The following CHODL variants were observed in gnomAD, a reference collection of about 807,000 sequenced individuals.
CHODL encodes transmembrane protein MT75.
CHODL carries 29 observed loss-of-function variants against 34.5 expected under a neutral mutation model. The observed-to-expected ratio is 0.84, with a 90% CI of 0.63 to 1.15. CHODL has a LOEUF of 1.15. Ranked by LOEUF, CHODL falls within the 50% of genes most tolerant of loss-of-function variation. The pLI is 0.00. For missense variants in CHODL, 332 were observed against 332.5 expected, an observed-to-expected ratio of 1.00 and a Z score of 0.01; for synonymous variants, 125 against 116.1, an observed-to-expected ratio of 1.08 and a Z score of -0.49.
chr21:18,251,685 A>C (rs1414761235), intron 1 of CHODL, among the ~76,000 whole-genome samples: 1 of 136,524 alleles, frequency 7.3e-6, no homozygotes, highest in Admixed American at 7.6e-5. Flanking sequence ...TTAATATATA[A>C]AATAAATATT....
At chr21:18,265,570 A>T (rs2074449054) in intron 5 of CHODL, among the ~76,000 whole-genome samples, 1 of 152,122 alleles carries the variant, frequency 6.6e-6, no homozygotes, top group South Asian at 2.1e-4. Context: ...AATTGGGTAC[A>T]GTGTATACTA....
intron 2 of CHODL, among the ~76,000 whole-genome samples, chr21:18,210,728 T>C (rs970314898): frequency 3.9e-5 from 6 of 152,170 alleles, no homozygotes; most frequent in Admixed American, 2.0e-4. Context: ...TCTTACATGG[T>C]CTACTGCAAA....
rs1255186142 is a variant in CHODL at position 18,100,186 on chromosome 21, T to TA, written c.-45+72222dup. Among the ~76,000 whole-genome samples the TA allele has an allele frequency of 6.6e-5, 10 of 152,236 alleles. No homozygotes were observed. In the South Asian group the frequency reaches 1.2e-3, roughly 19 times the overall value. ...GTTTAAATAAAGTGAAGGTTGTTTT[T>TA]AAAAAAATATCTAACATGTTGAATC... On this transcript the variant is annotated intron_variant, in intron 2 of 6. Coordinates refer to the CHODL transcript ENST00000400127.
intron 2 of CHODL, among the ~76,000 whole-genome samples, chr21:18,064,867 G>C (rs2064712774): frequency 6.6e-6 from 1 of 152,134 alleles, no homozygotes; most frequent in Admixed American, 6.6e-5. Context: ...ACAATAATTA[G>C]TTAAATTAAG....
intron 2 of CHODL, among the ~76,000 whole-genome samples, chr21:18,168,865 G>A (rs565493719): frequency 6.6e-6 from 1 of 152,082 alleles, no homozygotes; most frequent in East Asian, 1.9e-4. Context: ...ATTTATGTAT[G>A]TATATTTTTC....
At chr21:17,969,370 A>C (rs1039157742) in intron 1 of CHODL, among the ~76,000 whole-genome samples, 1 of 152,216 alleles carries the variant, frequency 6.6e-6, no homozygotes, top group Non-Finnish European at 1.5e-5. Flanking sequence ...AAAGAGAAAG[A>C]TGTAAGATAT....
At chr21:17,994,374 C>G (rs2063827662) in intron 1 of CHODL, among the ~76,000 whole-genome samples, 2 of 152,138 alleles carry the variant, frequency 1.3e-5, no homozygotes, top group Admixed American at 1.3e-4. Context: ...GCAGGCCAAT[C>G]CTCAAGTCCT....
intron 2 of CHODL, among the ~76,000 whole-genome samples, chr21:18,076,367 A>C (rs1301541174): frequency 6.6e-6 from 1 of 152,240 alleles, no homozygotes; most frequent in Non-Finnish European, 1.5e-5. Flanking sequence ...AACTTTGTTC[A>C]AATTGTGTTC....
At chr21:18,243,021 A>G (rs541557100), upstream of CHODL, among the ~76,000 whole-genome samples, 4 of 152,274 alleles carry the variant, frequency 2.6e-5, no homozygotes, top group South Asian at 8.3e-4. Flanking sequence ...GTAGGGTGGC[A>G]TGAAAGGGGA....
chr21:17,974,722 A>G (rs2063647024), intron 1 of CHODL, among the ~76,000 whole-genome samples: 1 of 151,978 alleles, frequency 6.6e-6, no homozygotes, highest in Non-Finnish European at 1.5e-5. Context: ...TGTATAGTAT[A>G]ATTTGAAAAT....
intron 1 of CHODL, among the ~76,000 whole-genome samples, chr21:17,920,768 C>T (rs916588298): frequency 8.5e-5 from 13 of 152,188 alleles, no homozygotes; most frequent in Non-Finnish European, 1.3e-4. Context: ...ATACATCTGA[C>T]TGTATACTGC....
At chr21:18,042,252 AGTCAG>A (rs377526693) in intron 2 of CHODL, among the ~76,000 whole-genome samples, 22 of 151,006 alleles carry the variant, frequency 1.5e-4, no homozygotes, top group African/African-American at 5.2e-4. Flanking sequence ...CACATTTGCT[AGTCAG>A]GTCTTGGATG....
At chr21:18,001,197 CA>C (rs373217213) in intron 1 of CHODL, among the ~76,000 whole-genome samples, 14 of 151,996 alleles carry the variant, frequency 9.2e-5, no homozygotes, top group African/African-American at 3.4e-4. Context: ...AGGGCAGGGT[CA>C]AAAAAGAAAG....
chr21:18,146,854 G>T (rs2072896814), intron 2 of CHODL, among the ~76,000 whole-genome samples: 1 of 152,068 alleles, frequency 6.6e-6, no homozygotes, highest in South Asian at 2.1e-4. Flanking sequence ...ACTATTTCCA[G>T]CTTATTGGCT....
chr21:18,017,928 C>T (rs1262038355), intron 1 of CHODL, among the ~76,000 whole-genome samples: 1 of 152,252 alleles, frequency 6.6e-6, no homozygotes, highest in Non-Finnish European at 1.5e-5. Context: ...CTACCCCTTG[C>T]ACCACTGTGC....
intron 2 of CHODL, among the ~76,000 whole-genome samples, chr21:18,130,671 A>G (rs2072643506): frequency 6.6e-6 from 1 of 152,206 alleles, no homozygotes; most frequent in African/African-American, 2.4e-5. Flanking sequence ...TCTGTTCTTT[A>G]AATCAGCTGA....
At chr21:17,967,707 G>T (rs1010847595) in intron 1 of CHODL, among the ~76,000 whole-genome samples, 3 of 151,072 alleles carry the variant, frequency 2.0e-5, no homozygotes, top group African/African-American at 7.3e-5. Flanking sequence ...GTGCAAAAAA[G>T]TGCAAGGAGA....
intron 2 of CHODL, among the ~76,000 whole-genome samples, chr21:18,097,084 A>G: frequency 6.6e-6 from 1 of 152,166 alleles, no homozygotes; most frequent in Non-Finnish European, 1.5e-5. Flanking sequence ...ACATAATCAA[A>G]GCTGTATATG....
intron 2 of CHODL, among the ~76,000 whole-genome samples, chr21:18,125,399 C>T (rs2146584032): frequency 6.6e-6 from 1 of 152,212 alleles, no homozygotes; most frequent in South Asian, 2.1e-4. Flanking sequence ...CTCCATTCAT[C>T]AGATAAATTC....
Sources: gnomAD v4.1 joint callset for allele counts (sites outside exome capture counted in the v4.1 genomes callset) on GRCh38, gnomAD v4.1.1 for gene constraint, MANE v1.5 for transcripts, NCBI Gene and HGNC (gene_info 2026-07-23, HGNC 2026-07-21) for gene names.